DSCAM: variants seen among roughly 807,000 people sequenced by gnomAD.
DSCAM encodes the protein cell adhesion molecule DSCAM.
DSCAM carries 47 observed loss-of-function variants against 217.7 expected under a neutral mutation model. That is an observed-to-expected ratio of 0.22 (90% CI 0.17 to 0.28). The LOEUF (loss-of-function observed/expected upper bound fraction) is 0.28, where lower values mean the gene tolerates loss of function less well. Ranked by LOEUF, DSCAM falls within the 10% of genes least tolerant of loss-of-function variation. The pLI, the probability that DSCAM is intolerant of heterozygous loss-of-function variation, is 1.00. For synonymous variants in DSCAM, 1,056 were observed against 1,015.3 expected (o/e 1.04, Z -0.76); for missense variants, 2,080 against 2,618.3 (o/e 0.79, Z 4.49).
At chr21:40,819,027 G>GT (rs2091906309) in intron 1 of DSCAM, among the ~76,000 whole-genome samples, 1 of 152,168 alleles carries the variant, frequency 6.6e-6, no homozygotes. Flanking sequence ...GCCCATTTGC[G>GT]TAACAGCCAT....
At chr21:40,526,886 G>A (rs2076404923) in intron 3 of DSCAM, among the ~76,000 whole-genome samples, 1 of 152,034 alleles carries the variant, frequency 6.6e-6, no homozygotes, top group Admixed American at 6.6e-5. Context: ...ATGCTGGCAG[G>A]GGAGCTATTT....
intron 1 of DSCAM, among the ~76,000 whole-genome samples, chr21:40,711,312 A>G (rs1348658879): frequency 6.6e-6 from 1 of 152,194 alleles, no homozygotes; most frequent in African/African-American, 2.4e-5. Flanking sequence ...GATAAAATAC[A>G]TGAGCCCCTC....
chr21:40,106,903 T>TTA (rs201953562), intron 20 of DSCAM, among the ~76,000 whole-genome samples: 2,858 of 151,934 alleles, frequency 0.019, 88 homozygotes, highest in African/African-American at 0.065. Context: ...CTATTTTATT[T>TTA]TTTTTTTCAA....
chr21:40,025,038 A>G (rs2088348494), intron 32 of DSCAM, among the ~76,000 whole-genome samples: 1 of 121,228 alleles, frequency 8.2e-6, no homozygotes, highest in African/African-American at 3.0e-5. Flanking sequence ...ATTTTGAGAT[A>G]CGTCCCATCA....
intron 10 of DSCAM, among the ~76,000 whole-genome samples, chr21:40,284,266 G>C (rs1216681876): frequency 6.6e-6 from 1 of 152,230 alleles, no homozygotes; most frequent in African/African-American, 2.4e-5. Context: ...GTGGACAGAG[G>C]TATAGTCCTG....
At chr21:40,677,424 T>C (rs1437838656) in intron 3 of DSCAM, among the ~76,000 whole-genome samples, 1 of 152,004 alleles carries the variant, frequency 6.6e-6, no homozygotes, top group Non-Finnish European at 1.5e-5. Context: ...GGAATGCAGA[T>C]AGTCACAAGG....
intron 32 of DSCAM, among the ~76,000 whole-genome samples, chr21:40,028,112 G>A (rs1313675815): frequency 5.1e-5 from 4 of 77,694 alleles, no homozygotes; most frequent in South Asian, 5.5e-4. Flanking sequence ...GTCTGTTGGA[G>A]TACCCTGCCC....
intron 28 of DSCAM, 87 bp downstream of exon 28, chr21:40,062,782 C>T: frequency 8.0e-7 from 1 of 1,246,872 alleles, no homozygotes; most frequent in South Asian, 1.5e-5. Context: ...TTTCAGACTG[C>T]CATTATTAAA....
chr21:40,194,380 T>C lies in DSCAM; in HGVS notation c.2357-5142A>G, dbSNP rs138525876. On this transcript the variant is annotated intron_variant, in intron 11 of 32. Coordinates refer to ENST00000400454, the MANE Select transcript of DSCAM (RefSeq NM_001389.5). The stretch of plus-strand genomic sequence containing the variant: ...ATGACCTTTTCACTTGTCACAGTTA[T>C]GGATGCCTAGAGATGACAACATGTC... Among the ~76,000 whole-genome samples the C allele has an allele frequency of 7.9e-3, 1,196 of 152,344 alleles. 17 individuals are homozygous for C. The highest frequency in any genetic ancestry group is 0.028 in the African/African-American group (1,159 of 41,578).
intron 3 of DSCAM, among the ~76,000 whole-genome samples, chr21:40,386,416 A>C (rs563431974): frequency 6.6e-6 from 1 of 152,312 alleles, no homozygotes; most frequent in East Asian, 1.9e-4. Flanking sequence ...CTTTGCTTCA[A>C]AGGCACCTGC....
At chr21:40,055,976 T>C in intron 28 of DSCAM, 136 bp from the exon 29 acceptor site, 3 of 562,064 alleles carry the variant, frequency 5.3e-6, no homozygotes, top group Non-Finnish European at 9.6e-6. Context: ...AAAACGTACA[T>C]ACTATGAAAA....
chr21:40,537,711 TC>T (rs2076510322), intron 3 of DSCAM, among the ~76,000 whole-genome samples: 1 of 151,818 alleles, frequency 6.6e-6, no homozygotes, highest in Non-Finnish European at 1.5e-5. Context: ...AGAGATGAAA[TC>T]ACCAAACACC....
intron 3 of DSCAM, among the ~76,000 whole-genome samples, chr21:40,582,973 G>A (rs887324849): frequency 6.6e-6 from 1 of 152,028 alleles, no homozygotes; most frequent in African/African-American, 2.4e-5. Flanking sequence ...GACTATTAAA[G>A]TCATTACTAG....
intron 3 of DSCAM, among the ~76,000 whole-genome samples, chr21:40,628,054 T>C (rs561801840): frequency 4.6e-5 from 7 of 152,360 alleles, no homozygotes; most frequent in African/African-American, 1.4e-4. Context: ...TTAGTGTGGC[T>C]CAGTAAATCA....
intron 1 of DSCAM, among the ~76,000 whole-genome samples, chr21:40,837,633 T>C (rs2092067589): frequency 1.3e-5 from 2 of 152,202 alleles, no homozygotes; most frequent in African/African-American, 2.4e-5. Context: ...CTTAAACAAC[T>C]TGTGAAAGGA....
At chr21:40,029,506 G>A (rs2088477384) in intron 32 of DSCAM, among the ~76,000 whole-genome samples, 1 of 151,858 alleles carries the variant, frequency 6.6e-6, no homozygotes, top group Non-Finnish European at 1.5e-5. Context: ...ATTCGAAAGA[G>A]TTACTGGATT....
chr21:40,404,824 A>C (rs189376488), intron 3 of DSCAM, among the ~76,000 whole-genome samples: 5 of 152,286 alleles, frequency 3.3e-5, no homozygotes, highest in Admixed American at 3.3e-4. Flanking sequence ...GTTTGCTTCA[A>C]ATTCATTTCC....
intron 1 of DSCAM, among the ~76,000 whole-genome samples, chr21:40,822,167 A>C (rs949031072): frequency 2.0e-5 from 3 of 151,802 alleles, no homozygotes; most frequent in African/African-American, 4.8e-5. Flanking sequence ...AAAAGTACAA[A>C]AATTAGCTGG....
rs1327289736 is a variant in DSCAM, at chr21:40,520,926, G to A, written c.509-151681C>T. 4.6e-5 allele frequency among the ~76,000 whole-genome samples: 7 copies of A among 152,274 alleles called. No individual in the cohort carries two copies. The South Asian group carries it at 1.5e-3, about 32-fold the overall frequency. On this transcript the variant is annotated intron_variant, in intron 3 of 32. Transcript: ENST00000400454. Reference sequence around the variant, plus strand: ...AATTGAGCTTAAATGGCCTTTGCTTGTTTGCTTAAAAATATCACATGTACC... The same window carrying A: ...AATTGAGCTTAAATGGCCTTTGCTTATTTGCTTAAAAATATCACATGTACC...
Sources: allele counts gnomAD v4.1 joint callset (sites outside exome capture counted in the v4.1 genomes callset), GRCh38; gene constraint gnomAD v4.1.1; transcripts MANE v1.5; gene names NCBI Gene and HGNC (gene_info 2026-07-23, HGNC 2026-07-21).